The following SUGP2 variants were observed in gnomAD, a reference collection of about 807,000 sequenced individuals.
SUGP2 encodes the protein SURP and G-patch domain containing 2, also known as SURP and G-patch domain-containing protein 2.
A neutral mutation model predicts 90.5 loss-of-function variants in SUGP2; 24 were observed. That is an observed-to-expected ratio of 0.27 (90% CI 0.19 to 0.37). The LOEUF is 0.37. Ranked by LOEUF, SUGP2 falls within the 10% of genes least tolerant of loss-of-function variation. SUGP2 has a pLI of 1.00. For synonymous variants in SUGP2, 473 were observed against 513.4 expected (o/e 0.92, Z 1.06); for missense variants, 1,233 against 1,363.3 (o/e 0.90, Z 1.51).
intron 4 of SUGP2, among the ~76,000 whole-genome samples, chr19:19,012,273 C>G (rs939965393): frequency 1.1e-4 from 16 of 152,234 alleles, no homozygotes; most frequent in African/African-American, 3.9e-4. Context: ...TGCTGACCAA[C>G]ATGGGCACTC....
chr19:19,029,074 G>A (rs1442616310), intron 2 of SUGP2, among the ~76,000 whole-genome samples: 1 of 152,110 alleles, frequency 6.6e-6, no homozygotes, highest in East Asian at 1.9e-4. Context: ...GACTTCCTGG[G>A]CACAAGCGAA....
chr19:18,996,598 G>C lies in SUGP2; in HGVS notation c.2992-1318C>G, dbSNP rs145341007. ...GACGGAGTCTTGCTCTGTTGCCCAGGCTGGAGTGCAGTGATGCAATCTCAA... is the reference window on the plus strand; with the variant it reads ...GACGGAGTCTTGCTCTGTTGCCCAGCCTGGAGTGCAGTGATGCAATCTCAA... On this transcript the variant is annotated intron_variant, in intron 8 of 10. Transcript: ENST00000452918. Among the ~76,000 whole-genome samples the C allele has an allele frequency of 5.5e-3, 831 of 152,038 alleles. 8 individuals carry two copies. The highest frequency in any genetic ancestry group is 0.014 in the Middle Eastern group (4 of 292).
At chr19:19,033,068 A>C in intron 1 of SUGP2, 1 of 153,868 alleles carries the variant, frequency 6.5e-6, no homozygotes. Context: ...GGCAGCCAGT[A>C]AAGGGGCTGG....
upstream of SUGP2, chr19:19,033,594 C>G (rs2059287041): frequency 8.4e-7 from 1 of 1,187,334 alleles, no homozygotes; most frequent in South Asian, 4.1e-5. Context: ...TGCGCAGGCG[C>G]GGGCCGCCGC....
intron 8 of SUGP2, among the ~76,000 whole-genome samples, chr19:19,000,871 A>G (rs954420525): frequency 6.7e-6 from 1 of 148,600 alleles, no homozygotes; most frequent in African/African-American, 2.5e-5. Context: ...ATGCCCAACT[A>G]ATTTTTGTAT....
chr19:19,033,488 C>T lies in SUGP2; in HGVS notation c.-63G>A, dbSNP rs1478541205. The T allele has an allele frequency of 2.9e-6, 4 of 1,402,690 alleles. No homozygotes were observed. Among genetic ancestry groups the T allele is most frequent in the African/African-American group, 3.0e-5 (2 of 65,574 alleles). The allele number at this position is 1,402,690 out of a possible 1,614,324, so 86.9% of individuals were successfully genotyped here. A position where few individuals can be genotyped will look rare whatever the true frequency, so the allele number is the denominator to read the frequency against. On this transcript the variant is annotated 5_prime_UTR_variant, in exon 1 of 11. It adds an upstream start codon to the 5' untranslated region. Coordinates refer to ENST00000452918, the MANE Select transcript of SUGP2 (RefSeq NM_001017392.5). ...CCCCGCCGCCGCCTCAGGCTCCTCA[C>T]CCGCCGCCGCCGCCGCGCGAGGCGG...
At chr19:19,033,606 G>A (rs1274824932), upstream of SUGP2, 4 of 1,179,568 alleles carry the variant, frequency 3.4e-6, no homozygotes, top group East Asian at 3.8e-5. Context: ...GGCCGCCGCG[G>A]CCCGGCTCTC....
intron 3 of SUGP2, 57 bp downstream of exon 3, chr19:19,024,562 G>C: frequency 6.5e-7 from 1 of 1,531,866 alleles, no homozygotes; most frequent in Non-Finnish European, 8.7e-7. Context: ...TCGAATAAAA[G>C]ACATTACCAA....
In SUGP2 at chr19:19,025,582, G is replaced by A. The variant is rs764469252; in HGVS notation, c.766C>T (p.Pro256Ser). 19 of 1,613,864 alleles carry A rather than the reference G, an allele frequency of 1.2e-5. No homozygotes were observed. Among genetic ancestry groups the A allele is most frequent in the Non-Finnish European group, 1.6e-5 (19 of 1,179,994 alleles). ...TTGGGAGTAATACGATTCACGGTGG[G>A]TATTTTTTTTGTGCTCACATTTCTC... ...TLRNVSTKKI[P>S]TVNRITPKTQ... Residue 256 changes from proline to serine, a missense_variant, in exon 3 of 11, where the codon CCC (proline) becomes TCC (serine). Coordinates refer to ENST00000452918, the MANE Select transcript of SUGP2 (RefSeq NM_001017392.5).
chr19:19,019,375 A>C, intron 3 of SUGP2, 146 bp from the exon 4 acceptor site: 2 of 879,204 alleles, frequency 2.3e-6, no homozygotes, highest in East Asian at 5.6e-5. Context: ...CCAGCATTGA[A>C]AAGAGGAAAA....
At chr19:19,023,736 C>T (rs1187794474) in intron 3 of SUGP2, among the ~76,000 whole-genome samples, 1 of 151,872 alleles carries the variant, frequency 6.6e-6, no homozygotes, top group Non-Finnish European at 1.5e-5. Context: ...CAAAAAAATA[C>T]AAAAAAAGTT....
At chr19:19,028,652 C>T (rs1181339951) in intron 2 of SUGP2, among the ~76,000 whole-genome samples, 1 of 152,198 alleles carries the variant, frequency 6.6e-6, no homozygotes, top group Non-Finnish European at 1.5e-5. Flanking sequence ...TCCAGAATCA[C>T]CTAGCATACT....
intron 5 of SUGP2, 148 bp downstream of exon 5, chr19:19,009,707 C>G: frequency 9.8e-7 from 1 of 1,015,930 alleles, no homozygotes; most frequent in South Asian, 1.8e-5. Context: ...AGAGAAAGCG[C>G]CAACATGTAC....
intron 2 of SUGP2, 73 bp downstream of exon 2, chr19:19,030,878 G>A: frequency 2.0e-6 from 3 of 1,491,606 alleles, no homozygotes; most frequent in Admixed American, 4.3e-5. Context: ...CCAAGGTATT[G>A]TAATCTTCCT....
In SUGP2 at chr19:19,004,363, C is replaced by A. The variant is rs529397360; in HGVS notation, c.2734G>T (p.Ala912Ser). The stretch of plus-strand genomic sequence containing the variant: ...GGGGTGCTGCCCTCAGACTTGCCCG[C>A]CCCTCCAGGAGCGGGGGCCTCCTCT... ...GGEEAPAPGG[A>S]GKSEGSTPAD... The change falls in exon 7 of 11, where the codon GCG becomes TCG. Residue 912 changes from alanine (A) to serine (S), a missense_variant. This residue lies in a region of SUGP2 where 540 missense variants were observed against 542.6 expected (regional missense o/e 1.00). Transcript: ENST00000452918. 1.1e-5 allele frequency: 18 copies of A among 1,613,460 alleles called. No homozygotes were observed. The highest frequency in any genetic ancestry group is 1.1e-5 in the Non-Finnish European group (13 of 1,179,732).
chr19:18,996,910 T>C (rs2145259398), intron 8 of SUGP2, among the ~76,000 whole-genome samples: 1 of 152,160 alleles, frequency 6.6e-6, no homozygotes, highest in South Asian at 2.1e-4. Context: ...TGAGGGTTCA[T>C]GTGCTCTTGA....
At chr19:19,022,204 T>G (rs2058754219) in intron 3 of SUGP2, among the ~76,000 whole-genome samples, 1 of 152,164 alleles carries the variant, frequency 6.6e-6, no homozygotes, top group Non-Finnish European at 1.5e-5. Flanking sequence ...CAGGATGGTT[T>G]CGATCTCCTG....
At chr19:19,013,567 C>A (rs2058383004) in intron 4 of SUGP2, among the ~76,000 whole-genome samples, 1 of 152,240 alleles carries the variant, frequency 6.6e-6, no homozygotes, top group African/African-American at 2.4e-5. Flanking sequence ...AAGGCCTGCA[C>A]ACCTACCTCC....
chr19:19,026,362 A>C, intron 2 of SUGP2, 136 bp from the exon 3 acceptor site: 1 of 810,818 alleles, frequency 1.2e-6, no homozygotes, highest in South Asian at 2.1e-5. Context: ...GCTTTTTGCC[A>C]ATCTGTATTT....
Sources: allele counts gnomAD v4.1 joint callset (sites outside exome capture counted in the v4.1 genomes callset), GRCh38; gene constraint gnomAD v4.1.1; regional missense constraint gnomAD v4.1.1; transcripts MANE v1.5; gene names NCBI Gene and HGNC (gene_info 2026-07-23, HGNC 2026-07-21).